Variants in INPP5J observed in about 807,000 individuals in gnomAD.
The protein encoded by INPP5J is inositol polyphosphate-5-phosphatase J.
A neutral mutation model predicts 86.6 loss-of-function variants in INPP5J; 75 were observed. That is an observed-to-expected ratio of 0.87 (90% CI 0.72 to 1.05). The LOEUF is 1.05. INPP5J is among the 50% of genes least tolerant of loss of function. The pLI, the probability that INPP5J is intolerant of heterozygous loss-of-function variation, is 0.00. For missense variants in INPP5J, 1,229 were observed against 1,341.2 expected (o/e 0.92, Z 1.31); for synonymous variants, 540 against 550.0 (o/e 0.98, Z 0.25).
rs1922425869 is a variant in INPP5J, at chr22:31,134,536, G to C, written c.*117G>C. On this transcript the variant is annotated 3_prime_UTR_variant, in exon 13 of 13. Coordinates refer to ENST00000331075, the MANE Select transcript of INPP5J (RefSeq NM_001284285.2). ...TATCTGCACCTGCCTCTCTGTCCTG[G>C]CCAGGGGTGGACAACTGGGGTCCCC... 1 of 1,139,672 alleles carries C rather than the reference G, an allele frequency of 8.8e-7. No homozygotes were observed. Among genetic ancestry groups the C allele is most frequent in the East Asian group, 2.8e-5 (1 of 36,046 alleles). 70.6% of individuals were successfully genotyped at this position (1,139,672 alleles called of 1,614,324 possible). A position where few individuals can be genotyped will look rare whatever the true frequency, so the allele number is the denominator to read the frequency against.
In INPP5J at chr22:31,127,754, C is replaced by T. The variant is rs1921637912; in HGVS notation, c.1788-197C>T. 1.1e-5 allele frequency: 7 copies of T among 643,998 alleles called. No homozygotes were observed. The East Asian group carries it at 1.6e-4, about 15-fold the overall frequency. The allele number at this position is 643,998 out of a possible 1,614,324, so 39.9% of individuals were successfully genotyped here. On this transcript the variant is annotated intron_variant, in intron 6 of 12. Transcript: ENST00000331075. ...GGCCCCGCCTTGCTGAAGGTCAGAA[C>T]CTAATTTCCTGTAGACCGGTCCCTC... is the stretch of plus-strand genomic sequence containing the variant.
chr22:31,133,508 A>C, intron 11 of INPP5J, 25 bp downstream of exon 11: 1 of 1,609,362 alleles, frequency 6.2e-7, no homozygotes, highest in South Asian at 1.1e-5. Context: ...TGGGAGAGTC[A>C]GGGCAAGTCC....
At position 31,133,660 on chromosome 22, in the gene INPP5J, G is replaced by T; in HGVS notation, c.2460G>T (p.Leu820=). The part of the protein sequence containing the change: ...SLPKGHGDFI[L]GYYSHNHSIL... ...CCAAGGGCCATGGAGACTTCATCCT[G>T]GGCTACTATAGTCACAACCACAGCA... Residue 820 remains leucine (L), a synonymous_variant, in exon 12 of 13, where the codon CTG becomes CTT. Transcript: ENST00000331075. 6.2e-7 allele frequency: 1 copy of T among 1,613,114 alleles called. No individual in the cohort carries two copies. The highest frequency in any genetic ancestry group is 8.5e-7 in the Non-Finnish European group (1 of 1,179,592).
At chr22:31,127,747 G>A in intron 6 of INPP5J, 4 of 649,642 alleles carry the variant, frequency 6.2e-6, no homozygotes, top group Non-Finnish European at 1.1e-5. Context: ...CTTGCTGAAG[G>A]TCAGAACCTA....
rs1233512869 is a variant in INPP5J at position 31,132,726 on chromosome 22, G to A, written c.2194-372G>A. Among the ~76,000 whole-genome samples the A allele has an allele frequency of 8.1e-5, 12 of 148,206 alleles. No homozygotes were observed. In the East Asian group the frequency reaches 1.2e-3, roughly 14 times the overall value. On this transcript the variant is annotated intron_variant, in intron 9 of 12. Coordinates refer to ENST00000331075, the MANE Select transcript of INPP5J (RefSeq NM_001284285.2). ...TGCACTCCAGCCTGGGTGACAGAGC[G>A]AGACTCCATCTCAGAAAAAGAAAAA...
At chr22:31,132,566 G>T (rs761440807) in intron 9 of INPP5J, among the ~76,000 whole-genome samples, 7 of 151,868 alleles carry the variant, frequency 4.6e-5, no homozygotes, top group African/African-American at 1.5e-4. Context: ...ATGGTGAAAC[G>T]CTGCCTCTAC....
rs112565514 is a variant in INPP5J, at chr22:31,124,314, G to A, written c.106-531G>A. 1.1e-4 allele frequency: 104 copies of A among 987,918 alleles called. No individual in the cohort carries two copies. In the African/African-American group the frequency reaches 1.1e-3, roughly 10 times the overall value. The allele number at this position is 987,918 out of a possible 1,614,324, so 61.2% of individuals were successfully genotyped here. A position where few individuals can be genotyped will look rare whatever the true frequency, so the allele number is the denominator to read the frequency against. On this transcript the variant is annotated intron_variant, in intron 1 of 12. Transcript: ENST00000331075. The stretch of plus-strand genomic sequence containing the variant: ...CAAGGGATTTGGATGTTTAGGGGGC[G>A]GTGGGGAACTGAGGGTTTCTGGGCA...
At chr22:31,122,860 T>C (rs1920993992), upstream of INPP5J, 1 of 518,950 alleles carries the variant, frequency 1.9e-6, no homozygotes, top group South Asian at 3.3e-5. Context: ...TCCCAGGGGG[T>C]AGCCACCTTG....
chr22:31,129,025 C>T (rs576317798), intron 9 of INPP5J, among the ~76,000 whole-genome samples: 11 of 148,272 alleles, frequency 7.4e-5, no homozygotes, highest in Admixed American at 2.7e-4. Context: ...CTCCGCCTCC[C>T]GGGTTCAAGT....
At chr22:31,133,787 T>C (rs755827311) in intron 12 of INPP5J, 73 bp downstream of exon 12, 1 of 1,568,876 alleles carries the variant, frequency 6.4e-7, no homozygotes, top group African/African-American at 1.4e-5. Context: ...TACATTCTGC[T>C]CCTTGAGTTC....
chr22:31,126,568 G>A (rs766975062), intron 3 of INPP5J, 45 bp from the exon 4 acceptor site: 3 of 1,602,708 alleles, frequency 1.9e-6, no homozygotes, highest in South Asian at 1.1e-5. Context: ...GGGGCTTCCA[G>A]GGCACCTCTC....
At position 31,126,729 on chromosome 22, in the gene INPP5J, A is replaced by T. The variant is rs370874308; in HGVS notation, c.1494+8A>T. 3.9e-5 allele frequency: 62 copies of T among 1,603,910 alleles called. No homozygotes were observed. In the East Asian group the frequency reaches 1.2e-3, roughly 31 times the overall value. On this transcript the variant is annotated splice_region_variant and intron_variant, in intron 4 of 12. Transcript: ENST00000331075. ...CCCTTCAACTTCGTGCTGGTAACGC[A>T]CCCCTCACCCCCTGGACAGCCAGAG...
At chr22:31,128,980 T>G (rs1166690741) in intron 9 of INPP5J, among the ~76,000 whole-genome samples, 2 of 141,770 alleles carry the variant, frequency 1.4e-5, no homozygotes, top group Admixed American at 1.5e-4. Flanking sequence ...TCACCCAGGC[T>G]GGAGTGCAGT....
intron 9 of INPP5J, among the ~76,000 whole-genome samples, chr22:31,129,414 T>A (rs1921854886): frequency 6.7e-6 from 1 of 148,842 alleles, no homozygotes; most frequent in East Asian, 2.0e-4. Context: ...CTAATTTTTG[T>A]ATTTTAGTAG....
In INPP5J at chr22:31,122,971, T is replaced by G. The variant is rs1212262502; in HGVS notation, c.-44T>G. On this transcript the variant is annotated 5_prime_UTR_variant, in exon 1 of 13. Transcript: ENST00000331075. The stretch of plus-strand genomic sequence containing the variant: ...CACTGGTTCCCGGGAGCGGTAGAGC[T>G]GGAGCCGGAGCCAAGGGAGTCCAGG... 7.7e-7 allele frequency: 1 copy of G among 1,293,990 alleles called. No individual in the cohort carries two copies. The highest frequency in any genetic ancestry group is 1.6e-5 in the African/African-American group (1 of 63,642). The allele number at this position is 1,293,990 out of a possible 1,614,324, so 80.2% of individuals were successfully genotyped here. A position where few individuals can be genotyped will look rare whatever the true frequency, so the allele number is the denominator to read the frequency against.
Position 31,133,928 on chromosome 22 carries a change from T to C in INPP5J, c.2530T>C (p.Ser844Pro). The C allele has an allele frequency of 6.2e-7, 1 of 1,611,432 alleles. No individual in the cohort carries two copies. Among genetic ancestry groups the C allele is most frequent in the Non-Finnish European group, 8.5e-7 (1 of 1,178,398 alleles). The change falls in exon 13 of 13, where the codon TCG (serine) becomes CCG (proline). Residue 844 changes from serine to proline, a missense_variant. Physicochemically the swap from Ser to Pro is moderately conservative, Grantham distance 74 (BLOSUM62 -1). Coordinates refer to ENST00000331075, the MANE Select transcript of INPP5J (RefSeq NM_001284285.2). ...TTTCCCCCAGATCTCGCTGCCTTCC[T>C]CGGAGTTGGCCAGCAGCAGCACAGA... ...TEPFQISLPS[S>P]ELASSSTDSS... is the part of the protein sequence containing the mutation.
Position 31,127,101 on chromosome 22 carries a change from G to A in INPP5J, c.1611+64G>A, listed in dbSNP as rs897826360. The A allele has an allele frequency of 3.2e-5, 37 of 1,142,546 alleles. No individual in the cohort carries two copies. The East Asian group carries it at 3.6e-4, about 11-fold the overall frequency. The allele number at this position is 1,142,546 out of a possible 1,614,324, so 70.8% of individuals were successfully genotyped here. A position where few individuals can be genotyped will look rare whatever the true frequency, so the allele number is the denominator to read the frequency against. ...AAGGGGGCTTTAGATTAGTCCCCCC[G>A]CCCCATGCACAGCAAGGTCCCCTTC... On this transcript the variant is annotated intron_variant, in intron 5 of 12. Transcript: ENST00000331075.
Position 31,125,818 on chromosome 22 carries a change from C to T in INPP5J, c.1079C>T (p.Pro360Leu). Reference protein sequence around the residue: ...RSPSHSPNRSPCVPPAPDMAL... With the variant: ...RSPSHSPNRSLCVPPAPDMAL... ...CCAAGCCACTCCCCGAATCGCTCTC[C>T]CTGTGTTCCCCCAGCCCCTGACATG... The change falls in exon 2 of 13, where the codon CCC (proline) becomes CTC (leucine). Residue 360 changes from proline to leucine, a missense_variant. Transcript: ENST00000331075. 2 of 1,602,440 alleles carry T rather than the reference C, an allele frequency of 1.2e-6. No homozygotes were observed. Among genetic ancestry groups the T allele is most frequent in the Non-Finnish European group, 8.5e-7 (1 of 1,174,686 alleles).
chr22:31,133,441 T>C lies in INPP5J; in HGVS notation c.2367T>C (p.Tyr789=). The C allele has an allele frequency of 6.2e-7, 1 of 1,613,970 alleles. No homozygotes were observed. The highest frequency in any genetic ancestry group is 2.2e-5 in the East Asian group (1 of 44,884). The change falls in exon 11 of 13, where the codon TAT becomes TAC. Residue 789 remains tyrosine, a synonymous_variant. Transcript: ENST00000331075. ...GCCATTGCAAGGACTATGTGGCTTATGTCTGGGCCAAACATGAAGATGTGG... is the reference window on the plus strand; with the variant it reads ...GCCATTGCAAGGACTATGTGGCTTACGTCTGGGCCAAACATGAAGATGTGG... The part of the protein sequence containing the change: ...GFRHCKDYVA[Y]VWAKHEDVDG...
Sources: gnomAD v4.1 joint callset for allele counts (sites outside exome capture counted in the v4.1 genomes callset) on GRCh38, gnomAD v4.1.1 for gene constraint, MANE v1.5 for transcripts, NCBI Gene and HGNC (gene_info 2026-07-23, HGNC 2026-07-21) for gene names.